STOX2: variants seen among roughly 807,000 people sequenced by gnomAD.
STOX2 encodes storkhead-box protein 2.
Under a neutral mutation model 60.9 loss-of-function variants are expected in STOX2, and 28 were observed. The ratio of observed to expected loss-of-function variants is 0.46; its 90% CI spans 0.34 to 0.63. The LOEUF (loss-of-function observed/expected upper bound fraction) is 0.63. Among genes scored for constraint, STOX2 ranks in the 30% least tolerant of loss-of-function variants. The pLI is 0.01. For missense variants in STOX2, 1,024 were observed against 1,187.7 expected (o/e 0.86, Z 2.03); for synonymous variants, 472 against 463.9 (o/e 1.02, Z -0.22).
intron 1 of STOX2, among the ~76,000 whole-genome samples, chr4:183,961,423 GT>G (rs1743410552): frequency 6.6e-6 from 1 of 152,114 alleles, no homozygotes; most frequent in African/African-American, 2.4e-5. Flanking sequence ...CTTGCTTTAT[GT>G]GAGGTCAGGC....
At chr4:183,815,802 C>T (rs1352852455) in intron 1 of STOX2, among the ~76,000 whole-genome samples, 1 of 152,154 alleles carries the variant, frequency 6.6e-6, no homozygotes, top group Non-Finnish European at 1.5e-5. Flanking sequence ...AATGCGATAC[C>T]TTAAATAAGG....
chr4:183,845,805 G>C (rs1739971086), intron 1 of STOX2, among the ~76,000 whole-genome samples: 1 of 152,110 alleles, frequency 6.6e-6, no homozygotes, highest in Non-Finnish European at 1.5e-5. Flanking sequence ...CTTTTATGTG[G>C]TTATGTTTTA....
chr4:183,871,644 A>C (rs1740695340), intron 1 of STOX2, among the ~76,000 whole-genome samples: 1 of 152,180 alleles, frequency 6.6e-6, no homozygotes, highest in Non-Finnish European at 1.5e-5. Flanking sequence ...TAAGGGAGCA[A>C]AACATATGAA....
At chr4:183,889,025 G>A (rs1054691065) in intron 1 of STOX2, among the ~76,000 whole-genome samples, 3 of 151,584 alleles carry the variant, frequency 2.0e-5, no homozygotes, top group Admixed American at 6.6e-5. Flanking sequence ...TTATTGGACC[G>A]TCTTTTGCTT....
intron 1 of STOX2, among the ~76,000 whole-genome samples, chr4:183,888,184 C>T (rs1293770253): frequency 6.6e-6 from 1 of 152,168 alleles, no homozygotes; most frequent in African/African-American, 2.4e-5. Flanking sequence ...GAGACAGCTT[C>T]ATGTTTCAAT....
At chr4:183,945,148 AC>A (rs1356880612) in intron 1 of STOX2, among the ~76,000 whole-genome samples, 1 of 152,166 alleles carries the variant, frequency 6.6e-6, no homozygotes, top group Non-Finnish European at 1.5e-5. Flanking sequence ...AAAGATTAGG[AC>A]AAAATTTCAT....
chr4:183,964,267 G>T (rs543933428), intron 1 of STOX2, among the ~76,000 whole-genome samples: 6 of 152,342 alleles, frequency 3.9e-5, no homozygotes, highest in African/African-American at 1.2e-4. Context: ...GTTATGTTGA[G>T]AAAGGACTGA....
Position 184,009,337 on chromosome 4 carries a change from C to G in STOX2, c.499C>G (p.Arg167Gly), listed in dbSNP as rs1177475795. 2.5e-6 allele frequency: 4 copies of G among 1,613,922 alleles called. No homozygotes were observed. In the East Asian group the frequency reaches 6.7e-5, roughly 27 times the overall value. The part of the protein sequence containing the change: ...WYHLDERIPD[R>G]SQCTSPQPGT... ...CCATTTGGACGAGAGGATACCTGAC[C>G]GGTCTCAGTGCACCTCTCCGCAACC... The change falls in exon 3 of 4, where the codon CGG becomes GGG. Residue 167 changes from arginine to glycine, a missense_variant. This residue lies in a region of STOX2 where 922 missense variants were observed against 1,058.3 expected (regional missense o/e 0.87). Transcript: ENST00000308497. The surrounding 1 kb of genome is among the most constrained non-coding windows in gnomAD (Gnocchi z 4.0).
intron 1 of STOX2, among the ~76,000 whole-genome samples, chr4:183,820,390 C>G (rs756623438): frequency 3.3e-5 from 5 of 152,186 alleles, no homozygotes; most frequent in Non-Finnish European, 7.3e-5. Flanking sequence ...TGCCGCTTCT[C>G]TCATTGATGT....
At chr4:183,918,690 A>C (rs139953540) in intron 1 of STOX2, among the ~76,000 whole-genome samples, 48 of 152,340 alleles carry the variant, frequency 3.2e-4, no homozygotes, top group African/African-American at 1.1e-3. Context: ...TGATGGGCCC[A>C]GTGGAATCTC....
At chr4:183,894,689 A>T (rs1741301685) in intron 1 of STOX2, among the ~76,000 whole-genome samples, 1 of 152,224 alleles carries the variant, frequency 6.6e-6, no homozygotes, top group African/African-American at 2.4e-5. Flanking sequence ...TGGAAAAAGG[A>T]TCCATCCTTT....
chr4:184,017,119 A>G lies in STOX2; in HGVS notation c.2616A>G (p.Ser872=). 1 of 1,613,498 alleles carries G rather than the reference A, an allele frequency of 6.2e-7. No homozygotes were observed. Among genetic ancestry groups the G allele is most frequent in the Non-Finnish European group, 8.5e-7 (1 of 1,179,704 alleles). ...RTRESLASNT[S]SIVESNRRQN... is the part of the protein sequence containing the mutation. ...GGGAGAGCCTGGCTTCCAACACATC[A>G]AGCATTGTTGAAAGTAACCGTCGTC... is the stretch of plus-strand genomic sequence containing the variant. The change falls in exon 4 of 4, where the codon TCA becomes TCG. Residue 872 remains serine (S), a synonymous_variant. Transcript: ENST00000308497.
chr4:183,960,493 G>A (rs984055018), intron 1 of STOX2, among the ~76,000 whole-genome samples: 7 of 152,082 alleles, frequency 4.6e-5, no homozygotes, highest in Non-Finnish European at 5.9e-5. Context: ...AATCTCAAGC[G>A]TATTCTAAAA....
chr4:183,881,882 G>T (rs993878717), intron 1 of STOX2, among the ~76,000 whole-genome samples: 1 of 152,060 alleles, frequency 6.6e-6, no homozygotes, highest in Non-Finnish European at 1.5e-5. Flanking sequence ...GACATCTTTG[G>T]GTATTCTCCA....
chr4:183,848,416 G>A lies in STOX2; in HGVS notation c.364+50361G>A, dbSNP rs903468422. Among the ~76,000 whole-genome samples, 4 of 152,124 alleles carry A rather than the reference G, an allele frequency of 2.6e-5. No individual in the cohort carries two copies. The East Asian group carries it at 7.7e-4, about 29-fold the overall frequency. ...TAGAACGTTGGAACAGAAAGCCCCC[G>A]TCAGAAGACTTCTTATATTTCATTA... On this transcript the variant is annotated intron_variant, in intron 1 of 2. Coordinates refer to the STOX2 transcript ENST00000513034.
intron 1 of STOX2, among the ~76,000 whole-genome samples, chr4:183,944,440 G>A (rs1742833659): frequency 6.6e-6 from 1 of 152,230 alleles, no homozygotes; most frequent in South Asian, 2.1e-4. Flanking sequence ...TGAGAGCTGG[G>A]CATGGTGGCT....
At chr4:183,862,307 C>G (rs1429290801) in intron 1 of STOX2, among the ~76,000 whole-genome samples, 2 of 152,152 alleles carry the variant, frequency 1.3e-5, no homozygotes, top group African/African-American at 4.8e-5. Context: ...TCCCTAGTAG[C>G]TGGGATTACA....
chr4:183,813,123 C>A (rs2111102699), intron 1 of STOX2, among the ~76,000 whole-genome samples: 1 of 152,266 alleles, frequency 6.6e-6, no homozygotes, highest in East Asian at 1.9e-4. Context: ...GTGGCTCATG[C>A]CTGTAATCCC....
intron 2 of STOX2, among the ~76,000 whole-genome samples, chr4:184,004,591 C>T: frequency 7.4e-6 from 1 of 134,654 alleles, no homozygotes; most frequent in Non-Finnish European, 1.7e-5. Flanking sequence ...CAGAGCGAGA[C>T]TCCGTTTCAA....
Sources: allele counts gnomAD v4.1 joint callset (sites outside exome capture counted in the v4.1 genomes callset), GRCh38; gene constraint gnomAD v4.1.1; regional missense constraint gnomAD v4.1.1; non-coding constraint Gnocchi (gnomAD v3.1); transcripts MANE v1.5; gene names NCBI Gene and HGNC (gene_info 2026-07-23, HGNC 2026-07-21).